The following PTCHD4 variants were observed in gnomAD, a reference collection of about 807,000 sequenced individuals.
PTCHD4 encodes patched domain-containing protein 4.
A neutral mutation model predicts 58.1 loss-of-function variants in PTCHD4; 33 were observed. The observed-to-expected ratio is 0.57, with a 90% CI of 0.43 to 0.76. The LOEUF (loss-of-function observed/expected upper bound fraction) is 0.76, where lower values mean the gene tolerates loss of function less well. Among genes scored for constraint, PTCHD4 ranks in the 30% least tolerant of loss-of-function variants. PTCHD4 has a pLI of 0.00. For missense variants in PTCHD4, 1,058 were observed against 1,027.1 expected, an observed-to-expected ratio of 1.03 and a Z score of -0.41; for synonymous variants, 478 against 409.6, an observed-to-expected ratio of 1.17 and a Z score of -2.02.
rs1316863772 is a variant in PTCHD4, at chr6:47,872,849, C to A, written c.*5454G>T. 6.6e-6 allele frequency among the ~76,000 whole-genome samples: 1 copy of A among 151,518 alleles called. No homozygotes were observed. Among genetic ancestry groups the A allele is most frequent in the African/African-American group, 2.4e-5 (1 of 41,324 alleles). On this transcript the variant is annotated 3_prime_UTR_variant, in exon 5 of 5. Coordinates refer to ENST00000339488, the MANE Select transcript of PTCHD4 (RefSeq NM_001384253.1). ...AGTTATACTATAAATATATTCTTAA[C>A]CCTATATATTGCTCTTTTGAGTTGT...
intron 3 of PTCHD4, among the ~76,000 whole-genome samples, chr6:48,037,805 A>C (rs1582059158): frequency 6.6e-6 from 1 of 152,122 alleles, no homozygotes; most frequent in African/African-American, 2.4e-5. Flanking sequence ...GAAAAGGTCA[A>C]AATAATAAAA....
intron 4 of PTCHD4, among the ~76,000 whole-genome samples, chr6:47,911,401 A>G (rs972080608): frequency 6.6e-6 from 1 of 152,044 alleles, no homozygotes; most frequent in Non-Finnish European, 1.5e-5. Context: ...AAGTTTTAGC[A>G]ATTTCCTGTT....
chr6:48,084,219 G>T (rs900501639), intron 1 of PTCHD4, among the ~76,000 whole-genome samples: 4 of 152,022 alleles, frequency 2.6e-5, no homozygotes, highest in Admixed American at 2.6e-4. Flanking sequence ...TGATTTAATT[G>T]GATTTGTTTA....
At chr6:48,056,541 T>G (rs1764409832) in intron 3 of PTCHD4, among the ~76,000 whole-genome samples, 2 of 152,196 alleles carry the variant, frequency 1.3e-5, no homozygotes, top group South Asian at 4.1e-4. Flanking sequence ...TTCAGTGAAA[T>G]CTTAATTGAG....
At chr6:48,027,198 C>A (rs1017958073) in intron 3 of PTCHD4, among the ~76,000 whole-genome samples, 22 of 152,026 alleles carry the variant, frequency 1.4e-4, no homozygotes, top group Non-Finnish European at 7.4e-5. Context: ...TTAAAAAGTT[C>A]TATTCAAATT....
intron 3 of PTCHD4, among the ~76,000 whole-genome samples, chr6:48,015,742 C>T (rs1309576745): frequency 1.3e-5 from 2 of 151,874 alleles, no homozygotes; most frequent in East Asian, 3.8e-4. Context: ...TTAATTGCTC[C>T]TTTTTGTGTC....
intron 4 of PTCHD4, among the ~76,000 whole-genome samples, chr6:47,941,279 A>C (rs1362689986): frequency 1.3e-5 from 2 of 152,206 alleles, no homozygotes; most frequent in Non-Finnish European, 2.9e-5. Flanking sequence ...GTACCACAGC[A>C]GAAGTGAATC....
chr6:48,078,375 A>G (rs1320441938), intron 1 of PTCHD4, among the ~76,000 whole-genome samples: 2 of 152,220 alleles, frequency 1.3e-5, no homozygotes, highest in Non-Finnish European at 2.9e-5. Context: ...CTGTAAAAAT[A>G]CTTGGAATAT....
intron 4 of PTCHD4, among the ~76,000 whole-genome samples, chr6:47,915,619 A>C (rs1179719057): frequency 1.3e-5 from 2 of 151,076 alleles, no homozygotes; most frequent in African/African-American, 4.9e-5. Flanking sequence ...AAAAAGAGTG[A>C]AAACTAAAAG....
chr6:48,040,605 T>C (rs1763811222), intron 3 of PTCHD4, among the ~76,000 whole-genome samples: 1 of 152,110 alleles, frequency 6.6e-6, no homozygotes, highest in Non-Finnish European at 1.5e-5. Context: ...TGAACAACTT[T>C]AGAGCATGGT....
intron 1 of PTCHD4, among the ~76,000 whole-genome samples, chr6:48,110,784 T>C (rs1037738058): frequency 7.2e-6 from 1 of 138,520 alleles, no homozygotes; most frequent in Non-Finnish European, 1.6e-5. Flanking sequence ...ATTTTATATA[T>C]ATATATAAAT....
intron 4 of PTCHD4, among the ~76,000 whole-genome samples, chr6:47,886,651 A>T (rs1764202933): frequency 6.6e-6 from 1 of 152,238 alleles, no homozygotes; most frequent in African/African-American, 2.4e-5. Context: ...ATGAATAAAA[A>T]AAATAAAACC....
At chr6:47,922,218 A>AGGG (rs1765455780) in intron 4 of PTCHD4, among the ~76,000 whole-genome samples, 1 of 152,188 alleles carries the variant, frequency 6.6e-6, no homozygotes, top group Admixed American at 6.5e-5. Context: ...TATTATATTC[A>AGGG]AATTTTCATT....
intron 4 of PTCHD4, among the ~76,000 whole-genome samples, chr6:47,881,453 A>G (rs1422073477): frequency 6.6e-6 from 1 of 152,186 alleles, no homozygotes; most frequent in Non-Finnish European, 1.5e-5. Flanking sequence ...TTAGAAAACC[A>G]GAGGGCATTT....
At chr6:47,950,151 A>G (rs966360988) in intron 4 of PTCHD4, among the ~76,000 whole-genome samples, 6 of 149,940 alleles carry the variant, frequency 4.0e-5, no homozygotes, top group African/African-American at 1.5e-4. Context: ...TGTCCTTGTG[A>G]TAGTTTGCTG....
At chr6:48,084,802 G>A (rs2113896761) in intron 1 of PTCHD4, among the ~76,000 whole-genome samples, 2 of 148,914 alleles carry the variant, frequency 1.3e-5, no homozygotes, top group Middle Eastern at 3.5e-3. Flanking sequence ...GGAATGCAGT[G>A]GCACGATCTC....
chr6:47,947,612 T>G (rs1209430524), intron 4 of PTCHD4, among the ~76,000 whole-genome samples: 1 of 152,178 alleles, frequency 6.6e-6, no homozygotes, highest in Non-Finnish European at 1.5e-5. Flanking sequence ...TTAAAGATAA[T>G]TGTATTCTAC....
rs1032714723 is a variant in PTCHD4, at chr6:47,863,153, G to T, written c.*15150C>A. On this transcript the variant is annotated 3_prime_UTR_variant, in exon 5 of 5. Coordinates refer to ENST00000339488, the MANE Select transcript of PTCHD4 (RefSeq NM_001384253.1). Reference sequence around the variant, plus strand: ...TTTTTGTGTTGTATCTGAGACTTATGTGGTCCCACATGCAGGGGCAGATCA... The same window carrying T: ...TTTTTGTGTTGTATCTGAGACTTATTTGGTCCCACATGCAGGGGCAGATCA... Among the ~76,000 whole-genome samples, 1 of 151,848 alleles carries T rather than the reference G, an allele frequency of 6.6e-6. No individual in the cohort carries two copies. Among genetic ancestry groups the T allele is most frequent in the African/African-American group, 2.4e-5 (1 of 41,404 alleles).
At chr6:47,957,584 TA>T (rs1766913464) in intron 4 of PTCHD4, among the ~76,000 whole-genome samples, 7 of 138,790 alleles carry the variant, frequency 5.0e-5, no homozygotes, top group African/African-American at 1.6e-4. Context: ...TTTTTTTTTT[TA>T]TTTTTTTTAT....
Sources: gnomAD v4.1 joint callset for allele counts (sites outside exome capture counted in the v4.1 genomes callset) on GRCh38, gnomAD v4.1.1 for gene constraint, MANE v1.5 for transcripts, NCBI Gene and HGNC (gene_info 2026-07-23, HGNC 2026-07-21) for gene names.